CAST: variants seen among roughly 807,000 people sequenced by gnomAD.
The protein encoded by CAST is MIR583 host.
In CAST, 76 loss-of-function variants were observed where a neutral mutation model predicts 119.6. The ratio of observed to expected loss-of-function variants is 0.64; its 90% CI spans 0.53 to 0.77. The LOEUF is 0.77. CAST is among the 30% of genes least tolerant of loss of function. CAST has a pLI of 0.00. For synonymous variants in CAST, 319 were observed against 331.6 expected (o/e 0.96, Z 0.41); for missense variants, 953 against 946.5 (o/e 1.01, Z -0.09).
chr5:96,750,997 G>A (rs895452318), intron 20 of CAST, among the ~76,000 whole-genome samples: 6 of 151,718 alleles, frequency 4.0e-5, no homozygotes, highest in Admixed American at 6.6e-5. Flanking sequence ...GATTTCCACC[G>A]AAAGCCCAAA....
chr5:96,641,930 G>C (rs1013104524), intron 1 of CAST, among the ~76,000 whole-genome samples: 2 of 152,178 alleles, frequency 1.3e-5, no homozygotes, highest in Admixed American at 1.3e-4. Flanking sequence ...TGTATTTAAA[G>C]AAACAGTGGT....
At chr5:96,369,975 A>G in the CAST span, among the ~76,000 whole-genome samples, 1 of 152,070 alleles carries the variant, frequency 6.6e-6, no homozygotes, top group African/African-American at 2.4e-5. Flanking sequence ...GTATGTCATG[A>G]CTTAGGTTAA....
At chr5:96,408,316 G>A in the CAST span, 14 of 1,613,352 alleles carry the variant, frequency 8.7e-6, no homozygotes, top group Non-Finnish European at 1.2e-5. Context: ...GTGCAGGTCA[G>A]CGCTCGTCTG....
the CAST span, among the ~76,000 whole-genome samples, chr5:96,356,510 T>A: frequency 1.3e-5 from 2 of 152,200 alleles, no homozygotes; most frequent in Non-Finnish European, 2.9e-5. Context: ...AATTTTTGCA[T>A]AAGGTGTAAG....
At chr5:96,391,509 G>A in the CAST span, 4 of 152,336 alleles carry the variant, frequency 2.6e-5, no homozygotes, top group African/African-American at 9.6e-5. Context: ...GATTACATAA[G>A]CAAACTCATA....
chr5:96,682,055 T>C (rs538871031), intron 2 of CAST, among the ~76,000 whole-genome samples: 8 of 152,220 alleles, frequency 5.3e-5, no homozygotes, highest in Non-Finnish European at 8.8e-5. Flanking sequence ...AATCTCTTAC[T>C]GTGCCTATTT....
intron 16 of CAST, among the ~76,000 whole-genome samples, chr5:96,745,993 G>T (rs1225663498): frequency 6.6e-6 from 1 of 152,184 alleles, no homozygotes; most frequent in Non-Finnish European, 1.5e-5. Flanking sequence ...TTTCTCTGGT[G>T]ATCTTCACAA....
At chr5:96,388,526 T>C in the CAST span, among the ~76,000 whole-genome samples, 2 of 152,192 alleles carry the variant, frequency 1.3e-5, no homozygotes, top group Non-Finnish European at 2.9e-5. Flanking sequence ...CATTCATTAA[T>C]ATTCCATTGG....
At chr5:96,430,337 A>G in the CAST span, among the ~76,000 whole-genome samples, 2 of 152,238 alleles carry the variant, frequency 1.3e-5, no homozygotes, top group African/African-American at 4.8e-5. Flanking sequence ...CAAACAGTTG[A>G]CAACAGTATA....
chr5:96,494,990 C>T, the CAST span, among the ~76,000 whole-genome samples: 1 of 151,540 alleles, frequency 6.6e-6, no homozygotes, highest in Non-Finnish European at 1.5e-5. Flanking sequence ...TGTTGGTGGG[C>T]GCCTGTAGTC....
the CAST span, among the ~76,000 whole-genome samples, chr5:96,040,281 A>G: frequency 6.6e-6 from 1 of 152,148 alleles, no homozygotes; most frequent in African/African-American, 2.4e-5. Flanking sequence ...GGCTGGGACG[A>G]TCGGGTTTTC....
intron 3 of CAST, among the ~76,000 whole-genome samples, chr5:96,719,236 C>A (rs1302293756): frequency 1.3e-5 from 2 of 152,186 alleles, no homozygotes; most frequent in African/African-American, 4.8e-5. Context: ...CCTCCCTACT[C>A]CCATCCAGTC....
At chr5:96,290,001 G>T in the CAST span, among the ~76,000 whole-genome samples, 2 of 151,736 alleles carry the variant, frequency 1.3e-5, no homozygotes, top group African/African-American at 4.8e-5. Flanking sequence ...CAATTGTTTT[G>T]TTTTATATAG....
intron 2 of CAST, among the ~76,000 whole-genome samples, chr5:96,682,211 A>C (rs570663765): frequency 6.6e-6 from 1 of 152,238 alleles, no homozygotes; most frequent in Non-Finnish European, 1.5e-5. Context: ...TAATTCTGAC[A>C]TTAGACATTC....
the CAST span, among the ~76,000 whole-genome samples, chr5:96,162,734 T>A: frequency 1.3e-5 from 2 of 152,184 alleles, no homozygotes; most frequent in Non-Finnish European, 2.9e-5. Flanking sequence ...TAATGTTACA[T>A]CATCTTTCTA....
intron 3 of CAST, among the ~76,000 whole-genome samples, chr5:96,713,319 G>A (rs537091734): frequency 6.6e-6 from 1 of 151,914 alleles, no homozygotes; most frequent in Admixed American, 6.6e-5. Context: ...TTTTAGTAGA[G>A]ACGGAGTTTC....
chr5:96,160,138 G>A, the CAST span, among the ~76,000 whole-genome samples: 3 of 150,466 alleles, frequency 2.0e-5, no homozygotes, highest in East Asian at 2.0e-4. Context: ...AAGACTCGTC[G>A]CAAAAGAAAA....
At chr5:96,754,009 T>C (rs1317206755) in intron 20 of CAST, 51 bp from the exon 21 acceptor site, 1 of 1,040,748 alleles carries the variant, frequency 9.6e-7, no homozygotes, top group East Asian at 2.4e-5. Flanking sequence ...GCATATGTTT[T>C]AAAGGGAGTG....
chr5:96,147,925 T>A, the CAST span, among the ~76,000 whole-genome samples: 927 of 152,354 alleles, frequency 6.1e-3, 13 homozygotes, highest in African/African-American at 0.022. Flanking sequence ...TGAATCCCAC[T>A]GTTAGCTCAG....
Sources: allele counts gnomAD v4.1 joint callset (sites outside exome capture counted in the v4.1 genomes callset), GRCh38; gene constraint gnomAD v4.1.1; transcripts MANE v1.5; gene names NCBI Gene and HGNC (gene_info 2026-07-23, HGNC 2026-07-21).